SRPK2: variants seen among roughly 807,000 people sequenced by gnomAD.
The protein encoded by SRPK2 is SRSF protein kinase 2.
A neutral mutation model predicts 90.8 loss-of-function variants in SRPK2; 21 were observed. The ratio of observed to expected loss-of-function variants is 0.23; its 90% CI spans 0.16 to 0.33. The LOEUF (loss-of-function observed/expected upper bound fraction) is 0.33, where lower values mean the gene tolerates loss of function less well. Among genes scored for constraint, SRPK2 ranks in the 10% least tolerant of loss-of-function variants. The probability of loss-of-function intolerance (pLI) is 1.00; values close to 1 mark genes in which losing one functional copy is unlikely to be tolerated. For missense variants in SRPK2, 620 were observed against 869.0 expected, an observed-to-expected ratio of 0.71 and a Z score of 3.60; for synonymous variants, 288 against 311.1, an observed-to-expected ratio of 0.93 and a Z score of 0.78.
At chr7:105,306,916 T>G (rs764690184) in intron 2 of SRPK2, among the ~76,000 whole-genome samples, 1 of 152,222 alleles carries the variant, frequency 6.6e-6, no homozygotes, top group Admixed American at 6.5e-5. Context: ...CTCACACTTA[T>G]GGAAAGCTGT....
chr7:105,385,170 C>G (rs1563318557), intron 2 of SRPK2, among the ~76,000 whole-genome samples: 1 of 84,832 alleles, frequency 1.2e-5, no homozygotes, highest in African/African-American at 5.5e-5. Flanking sequence ...CCGCGCCCGG[C>G]ATTTTTTTTT....
chr7:105,180,859 T>C (rs1792690615), intron 3 of SRPK2, among the ~76,000 whole-genome samples: 1 of 152,056 alleles, frequency 6.6e-6, no homozygotes, highest in African/African-American at 2.4e-5. Context: ...TCAAAAGCAA[T>C]TGCAACAAAA....
chr7:105,205,091 C>T (rs1796028131), intron 2 of SRPK2, among the ~76,000 whole-genome samples: 1 of 152,144 alleles, frequency 6.6e-6, no homozygotes, highest in African/African-American at 2.4e-5. Flanking sequence ...AAAGGAGCTG[C>T]CTCAACCACT....
intron 2 of SRPK2, among the ~76,000 whole-genome samples, chr7:105,268,424 C>T (rs949773225): frequency 3.9e-5 from 6 of 152,210 alleles, no homozygotes; most frequent in East Asian, 1.9e-4. Context: ...AAATAACCTT[C>T]GTAATTCTGT....
rs986058930 is a variant in SRPK2 at position 105,172,626 on chromosome 7, T to C, written c.230-3361A>G. Among the ~76,000 whole-genome samples the C allele has an allele frequency of 2.0e-5, 3 of 152,224 alleles. No individual in the cohort carries two copies. In the South Asian group the frequency reaches 6.2e-4, roughly 31 times the overall value. ...AAAGTAGATGGTATTATTTCTACAA[T>C]GCTACAGAGAACACCAAGTATCATA... On this transcript the variant is annotated intron_variant, in intron 3 of 15. Coordinates refer to ENST00000393651, the MANE Select transcript of SRPK2 (RefSeq NM_182692.3).
At chr7:105,339,164 A>C (rs1301368589) in intron 2 of SRPK2, among the ~76,000 whole-genome samples, 2 of 152,230 alleles carry the variant, frequency 1.3e-5, no homozygotes, top group African/African-American at 4.8e-5. Context: ...ATTTGTTCTA[A>C]AGCAAAGATG....
chr7:105,123,784 G>C (rs1562953684), intron 15 of SRPK2, among the ~76,000 whole-genome samples: 1 of 151,964 alleles, frequency 6.6e-6, no homozygotes, highest in Non-Finnish European at 1.5e-5. Flanking sequence ...ATAATAATCA[G>C]GAAAGAACTG....
chr7:105,217,428 C>A (rs1797608911), intron 2 of SRPK2, among the ~76,000 whole-genome samples: 1 of 152,326 alleles, frequency 6.6e-6, no homozygotes, highest in East Asian at 1.9e-4. Flanking sequence ...ATAAATTATT[C>A]TCTCTTGCAT....
upstream of SRPK2, among the ~76,000 whole-genome samples, chr7:105,392,257 GTTT>G (rs903270555): frequency 6.6e-6 from 1 of 152,300 alleles, no homozygotes; most frequent in African/African-American, 2.4e-5. Flanking sequence ...TGATGAAGAT[GTTT>G]TGGTGCTAGA....
At chr7:105,236,388 A>AGT (rs1800145675) in intron 2 of SRPK2, among the ~76,000 whole-genome samples, 1 of 151,996 alleles carries the variant, frequency 6.6e-6, no homozygotes, top group African/African-American at 2.4e-5. Context: ...TCCCATCAAC[A>AGT]GTATATCATA....
intron 2 of SRPK2, among the ~76,000 whole-genome samples, chr7:105,273,133 T>G (rs1411057723): frequency 6.6e-6 from 1 of 151,628 alleles, no homozygotes; most frequent in Admixed American, 6.6e-5. Flanking sequence ...GAGAATGGCA[T>G]GAACCCGGGA....
At chr7:105,279,198 G>T (rs946937001) in intron 2 of SRPK2, among the ~76,000 whole-genome samples, 1 of 152,076 alleles carries the variant, frequency 6.6e-6, no homozygotes, top group African/African-American at 2.4e-5. Flanking sequence ...GGGTGCCAGA[G>T]GGCGGGCGGC....
intron 2 of SRPK2, among the ~76,000 whole-genome samples, chr7:105,345,579 G>GA (rs1411500456): frequency 6.6e-6 from 1 of 152,172 alleles, no homozygotes. Flanking sequence ...TTATTACAGG[G>GA]AATAACATGA....
In SRPK2 at chr7:105,255,135, T is replaced by C. The variant is rs930794374; in HGVS notation, c.72-51350A>G. On this transcript the variant is annotated intron_variant, in intron 2 of 15. Transcript: ENST00000393651. ...AAAATAAATAAGCATTTAAGATATGTAGAAAAAAAGTTATGCTAAAATGAT... is the reference window on the plus strand; with the variant it reads ...AAAATAAATAAGCATTTAAGATATGCAGAAAAAAAGTTATGCTAAAATGAT... Among the ~76,000 whole-genome samples, 9 of 149,280 alleles carry C rather than the reference T, an allele frequency of 6.0e-5. 1 individual carries two copies. Among genetic ancestry groups the C allele is most frequent in the African/African-American group, 2.2e-4 (9 of 41,286 alleles).
intron 6 of SRPK2, among the ~76,000 whole-genome samples, chr7:105,162,545 A>G (rs923499693): frequency 6.6e-6 from 1 of 152,248 alleles, no homozygotes; most frequent in African/African-American, 2.4e-5. Flanking sequence ...ATAACTGAAT[A>G]TGCTATATTA....
At chr7:105,192,729 T>G (rs886362730) in intron 3 of SRPK2, among the ~76,000 whole-genome samples, 1 of 152,186 alleles carries the variant, frequency 6.6e-6, no homozygotes, top group Non-Finnish European at 1.5e-5. Context: ...GATTTTTTGA[T>G]TATGGACATT....
chr7:105,359,728 C>T (rs370977076), intron 2 of SRPK2, among the ~76,000 whole-genome samples: 55 of 152,228 alleles, frequency 3.6e-4, no homozygotes, highest in South Asian at 1.7e-3. Flanking sequence ...ATCTGGAAAC[C>T]GTTCATCCTT....
At chr7:105,198,943 T>C (rs1242419423) in intron 3 of SRPK2, among the ~76,000 whole-genome samples, 1 of 152,118 alleles carries the variant, frequency 6.6e-6, no homozygotes, top group Non-Finnish European at 1.5e-5. Context: ...AGATCTAAGA[T>C]AACGCGAGTA....
chr7:105,374,766 C>T (rs914595897), intron 2 of SRPK2, among the ~76,000 whole-genome samples: 11 of 152,134 alleles, frequency 7.2e-5, no homozygotes, highest in African/African-American at 2.2e-4. Flanking sequence ...CCCGCCACCA[C>T]GCCCAGCTAT....
Sources: allele counts gnomAD v4.1 joint callset (sites outside exome capture counted in the v4.1 genomes callset), GRCh38; gene constraint gnomAD v4.1.1; transcripts MANE v1.5; gene names NCBI Gene and HGNC (gene_info 2026-07-23, HGNC 2026-07-21).